The following OR3A2 variants were observed in gnomAD, a reference collection of about 807,000 sequenced individuals.
OR3A2 encodes the protein olfactory receptor family 3 subfamily A member 2, also known as olfactory receptor 3A2.
For missense variants in OR3A2, 318 were observed against 392.8 expected, an observed-to-expected ratio of 0.81 and a Z score of 1.61; for synonymous variants, 126 against 159.3, an observed-to-expected ratio of 0.79 and a Z score of 1.57.
intron 3 of OR3A2, among the ~76,000 whole-genome samples, chr17:3,296,338 G>C (rs925457994): frequency 1.4e-4 from 22 of 152,124 alleles, no homozygotes; most frequent in Non-Finnish European, 2.2e-4. Flanking sequence ...GATTAAATCA[G>C]TGTTCAGAAA....
intron 3 of OR3A2, among the ~76,000 whole-genome samples, chr17:3,317,007 T>A (rs1280001379): frequency 6.6e-6 from 1 of 152,108 alleles, no homozygotes; most frequent in Admixed American, 6.6e-5. Flanking sequence ...ACATAGTAAA[T>A]ACTCAAGCCC....
intron 2 of OR3A2, among the ~76,000 whole-genome samples, chr17:3,378,508 C>A (rs186782366): frequency 7.9e-5 from 12 of 152,262 alleles, no homozygotes; most frequent in Admixed American, 7.8e-4. Context: ...GGGTCCAGAG[C>A]CACGGCTGGG....
intron 3 of OR3A2, among the ~76,000 whole-genome samples, chr17:3,315,721 A>C (rs1056744053): frequency 6.9e-6 from 1 of 145,612 alleles, no homozygotes; most frequent in African/African-American, 2.5e-5. Context: ...TAAATAAATA[A>C]AACTTTTAAA....
chr17:3,380,298 G>A (rs1393457796), intron 2 of OR3A2, among the ~76,000 whole-genome samples: 3 of 152,202 alleles, frequency 2.0e-5, no homozygotes, highest in African/African-American at 2.4e-5. Flanking sequence ...ACCTGCCAAC[G>A]TGTGGCACGC....
chr17:3,336,797 T>C (rs1202076317), intron 2 of OR3A2, among the ~76,000 whole-genome samples: 3 of 152,182 alleles, frequency 2.0e-5, no homozygotes, highest in Admixed American at 2.0e-4. Flanking sequence ...TGGGTATCAT[T>C]TTTTAAAAAA....
intron 1 of OR3A2, among the ~76,000 whole-genome samples, chr17:3,385,482 T>C (rs886143744): frequency 1.3e-5 from 2 of 152,124 alleles, no homozygotes; most frequent in East Asian, 1.9e-4. Context: ...GGAGTTTGGA[T>C]AGATAGATGA....
chr17:3,354,256 G>A (rs8072112), intron 2 of OR3A2, among the ~76,000 whole-genome samples: 21,197 of 148,866 alleles, frequency 0.14, 2,191 homozygotes, highest in African/African-American at 0.26. Context: ...AATAGGATTT[G>A]TATTAGTTTT....
chr17:3,360,385 G>A (rs2049501917), intron 2 of OR3A2, among the ~76,000 whole-genome samples: 1 of 151,598 alleles, frequency 6.6e-6, no homozygotes. Context: ...CACCCTGATG[G>A]TAGTTTCTTT....
intron 3 of OR3A2, among the ~76,000 whole-genome samples, chr17:3,333,868 T>C (rs2049258412): frequency 6.6e-6 from 1 of 152,084 alleles, no homozygotes; most frequent in African/African-American, 2.4e-5. Context: ...GAAAAAGGTC[T>C]AATATCCAGA....
chr17:3,376,530 C>T lies in OR3A2; in HGVS notation c.-179+7274G>A, dbSNP rs187759854. On this transcript the variant is annotated intron_variant, in intron 2 of 4. Coordinates refer to the OR3A2 transcript ENST00000573491. ...AGTTATGTTCCCAGGGGGAATATGG[C>T]TGCCTTTGCTGCATCATACATATCA... Among the ~76,000 whole-genome samples, 42 of 152,222 alleles carry T rather than the reference C, an allele frequency of 2.8e-4. No individual in the cohort carries two copies. In the East Asian group the frequency reaches 7.0e-3, roughly 25 times the overall value.
intron 2 of OR3A2, among the ~76,000 whole-genome samples, chr17:3,369,904 A>G (rs937146218): frequency 2.4e-4 from 37 of 151,336 alleles, no homozygotes; most frequent in African/African-American, 8.0e-4. Context: ...CACAGGTCCA[A>G]GCTATCCTCC....
intron 2 of OR3A2, among the ~76,000 whole-genome samples, chr17:3,370,347 A>T (rs1212685932): frequency 6.6e-6 from 1 of 152,006 alleles, no homozygotes; most frequent in Non-Finnish European, 1.5e-5. Flanking sequence ...GATCTTTTGT[A>T]TTTCTGTGGT....
At chr17:3,372,222 G>A (rs1453390378) in intron 2 of OR3A2, among the ~76,000 whole-genome samples, 8 of 149,320 alleles carry the variant, frequency 5.4e-5, no homozygotes, top group African/African-American at 1.2e-4. Flanking sequence ...CATCTCAGAC[G>A]ATGGGCGGCC....
chr17:3,330,643 T>G (rs975277644), intron 3 of OR3A2, among the ~76,000 whole-genome samples: 1 of 152,126 alleles, frequency 6.6e-6, no homozygotes, highest in Admixed American at 6.5e-5. Context: ...TACAGCACAC[T>G]GATGGGTCTT....
At chr17:3,347,239 CTT>C (rs56912829) in intron 2 of OR3A2, among the ~76,000 whole-genome samples, 88,398 of 150,646 alleles carry the variant, frequency 0.59, 26,725 homozygotes, top group African/African-American at 0.72. Context: ...TGTATGTCTT[CTT>C]TTTTTTTTTA....
At chr17:3,324,160 G>A (rs1031602273) in intron 3 of OR3A2, among the ~76,000 whole-genome samples, 1 of 151,942 alleles carries the variant, frequency 6.6e-6, no homozygotes, top group African/African-American at 2.4e-5. Context: ...CGGCTACTGA[G>A]GCTTCTGCAT....
chr17:3,370,481 GTTTCA>G (rs1266362601), intron 2 of OR3A2, among the ~76,000 whole-genome samples: 2 of 151,920 alleles, frequency 1.3e-5, no homozygotes, highest in Non-Finnish European at 2.9e-5. Flanking sequence ...CCAGCTTTTT[GTTTCA>G]TTTATCTTTT....
chr17:3,346,033 A>C (rs2049361656), intron 2 of OR3A2, among the ~76,000 whole-genome samples: 1 of 152,164 alleles, frequency 6.6e-6, no homozygotes, highest in South Asian at 2.1e-4. Context: ...GGTGTTTTGT[A>C]CTAAACCTTC....
At chr17:3,304,153 A>G (rs231684) in intron 3 of OR3A2, among the ~76,000 whole-genome samples, 102,568 of 151,742 alleles carry the variant, frequency 0.68, 35,950 homozygotes, top group East Asian at 1. Context: ...ATGGCTGGTG[A>G]GCACATGAAC....
Sources: allele counts gnomAD v4.1 joint callset (sites outside exome capture counted in the v4.1 genomes callset), GRCh38; gene constraint gnomAD v4.1.1; transcripts MANE v1.5; gene names NCBI Gene and HGNC (gene_info 2026-07-23, HGNC 2026-07-21).